COL4A1: variants seen among roughly 807,000 people sequenced by gnomAD.
COL4A1 encodes collagen alpha-1(IV) chain.
COL4A1 carries 40 observed loss-of-function variants against 216.6 expected under a neutral mutation model. That is an observed-to-expected ratio of 0.18 (90% CI 0.14 to 0.24). COL4A1 has a LOEUF of 0.24. COL4A1 is among the 10% of genes least tolerant of loss of function. The pLI, the probability that COL4A1 is intolerant of heterozygous loss-of-function variation, is 1.00. For synonymous variants in COL4A1, 839 were observed against 810.7 expected (o/e 1.03, Z -0.59); for missense variants, 1,628 against 2,196.8 (o/e 0.74, Z 5.18).
At chr13:110,179,216 A>G in intron 30 of COL4A1, 55 bp downstream of exon 30, 1 of 1,610,260 alleles carries the variant, frequency 6.2e-7, no homozygotes, top group Non-Finnish European at 8.5e-7. Flanking sequence ...CTGGGAATGC[A>G]AAAATAAGCA....
At position 110,181,404 on chromosome 13, in the gene COL4A1, CAAA is replaced by C; in HGVS notation, c.2096-18_2096-16del. 4.8e-6 allele frequency: 6 copies of C among 1,240,984 alleles called. No homozygotes were observed. The highest frequency in any genetic ancestry group is 5.6e-6 in the Non-Finnish European group (5 of 892,442). The allele number at this position is 1,240,984 out of a possible 1,614,324, so 76.9% of individuals were successfully genotyped here. On this transcript the variant is annotated splice_polypyrimidine_tract_variant and intron_variant, in intron 28 of 51. Transcript: ENST00000375820. ...GCCGTCAACACCTGTTTTAAAGAGT[CAAA>C]AAAAAAAAACAAACAAACAATCATT...
Position 110,205,402 on chromosome 13 carries a change from A to G in COL4A1, c.908T>C (p.Phe303Ser). Residue 303 changes from phenylalanine to serine, a missense_variant, in exon 17 of 52, where the codon TTT (phenylalanine) becomes TCT (serine). By Grantham distance (155) the Phe-to-Ser change is radical. Around this residue, in one of 8 missense-constraint regions of COL4A1, gnomAD observed 701 missense variants for 892.5 expected, o/e 0.79. Coordinates refer to ENST00000375820, the MANE Select transcript of COL4A1 (RefSeq NM_001845.6). Reference sequence around the variant, plus strand: ...TCCTGGGTACCCGGGTTCACCAGGAAAACCCTGAAACCGAAGAGAGAAGCA... The same window carrying G: ...TCCTGGGTACCCGGGTTCACCAGGAGAACCCTGAAACCGAAGAGAGAAGCA... ...GDKGEKGSPG[F>S]PGEPGYPGLI... The G allele has an allele frequency of 6.2e-7, 1 of 1,614,120 alleles. No homozygotes were observed. Among genetic ancestry groups the G allele is most frequent in the Non-Finnish European group, 8.5e-7 (1 of 1,180,024 alleles).
At chr13:110,289,670 T>A (rs1392159907) in intron 1 of COL4A1, among the ~76,000 whole-genome samples, 1 of 152,226 alleles carries the variant, frequency 6.6e-6, no homozygotes, top group Non-Finnish European at 1.5e-5. Flanking sequence ...TTACGCTATC[T>A]GTATTTTGGG....
At chr13:110,296,753 T>C (rs544009208) in intron 1 of COL4A1, among the ~76,000 whole-genome samples, 3 of 152,338 alleles carry the variant, frequency 2.0e-5, no homozygotes, top group South Asian at 2.1e-4. Flanking sequence ...CAGGAATAAA[T>C]TGTCACCTAT....
rs1879705821 is a variant in COL4A1 at position 110,210,031 on chromosome 13, T to C, written c.564A>G (p.Gly188=). 2.5e-6 allele frequency: 4 copies of C among 1,614,182 alleles called. No homozygotes were observed. The South Asian group carries it at 3.3e-5, about 13-fold the overall frequency. The part of the protein sequence containing the change: ...PGIPGTPGPP[G]LPGLQGPVGP... ...CAACAGGACCTTGAAGCCCTGGCAG[T>C]CCTGGTGGGCCCTAGAATGCATGAG... Residue 188 remains glycine, a synonymous_variant, in exon 10 of 52, where the codon GGA becomes GGG. Transcript: ENST00000375820.
intron 26 of COL4A1, among the ~76,000 whole-genome samples, chr13:110,185,376 C>G (rs915215064): frequency 1.3e-5 from 2 of 151,774 alleles, no homozygotes; most frequent in African/African-American, 4.8e-5. Flanking sequence ...CAATGTCTGA[C>G]CTTGTGATCT....
At chr13:110,230,002 C>T (rs1880944687) in intron 2 of COL4A1, among the ~76,000 whole-genome samples, 1 of 152,164 alleles carries the variant, frequency 6.6e-6, no homozygotes, top group Non-Finnish European at 1.5e-5. Flanking sequence ...TGTCCCCTTC[C>T]ACAGCATCAA....
chr13:110,154,308 G>C (rs1275246687), intron 50 of COL4A1, among the ~76,000 whole-genome samples: 1 of 152,258 alleles, frequency 6.6e-6, no homozygotes, highest in South Asian at 2.1e-4. Context: ...GCTACAATGA[G>C]TGTATCAAAC....
At chr13:110,184,351 G>A (rs1367472201) in intron 26 of COL4A1, among the ~76,000 whole-genome samples, 1 of 152,198 alleles carries the variant, frequency 6.6e-6, no homozygotes, top group Admixed American at 6.5e-5. Flanking sequence ...ATCTGCAGAT[G>A]TCACAAGCAC....
chr13:110,174,023 C>G (rs748548309), intron 39 of COL4A1, 25 bp from the exon 40 acceptor site: 1 of 1,612,732 alleles, frequency 6.2e-7, no homozygotes, highest in Admixed American at 1.7e-5. Context: ...TCACATCAGA[C>G]ACCCGCATAA....
chr13:110,215,686 A>G (rs1055126573), intron 2 of COL4A1, among the ~76,000 whole-genome samples: 6 of 152,210 alleles, frequency 3.9e-5, no homozygotes, highest in African/African-American at 1.2e-4. Context: ...AACCATTGTT[A>G]GCTGATTTAA....
intron 2 of COL4A1, among the ~76,000 whole-genome samples, chr13:110,242,155 G>A (rs562392046): frequency 6.6e-6 from 1 of 152,198 alleles, no homozygotes. Flanking sequence ...TTAAATGAAA[G>A]GGAGGGGAAC....
chr13:110,306,952 C>G lies in COL4A1; in HGVS notation c.76G>C (p.Ala26Pro). Residue 26 changes from alanine to proline, a missense_variant, in exon 1 of 52, where the codon GCT (alanine) becomes CCT (proline). Coordinates refer to ENST00000375820, the MANE Select transcript of COL4A1 (RefSeq NM_001845.6). ...GCTGGCCGGGAACTCACCTTCGCAGCGGCCCGGCTGTGCTCCTCGTGGAGC... is the reference window on the plus strand; with the variant it reads ...GCTGGCCGGGAACTCACCTTCGCAGGGGCCCGGCTGTGCTCCTCGTGGAGC... ...LLLHEEHSRAAAKGGCAGSGC... is the reference protein window; with the variant it reads ...LLLHEEHSRAPAKGGCAGSGC... 1 of 1,472,620 alleles carries G rather than the reference C, an allele frequency of 6.8e-7. No individual in the cohort carries two copies. Among genetic ancestry groups the G allele is most frequent in the Non-Finnish European group, 9.0e-7 (1 of 1,116,756 alleles). 91.2% of individuals were successfully genotyped at this position (1,472,620 alleles called of 1,614,324 possible).
intron 2 of COL4A1, among the ~76,000 whole-genome samples, chr13:110,220,150 C>T (rs935804732): frequency 2.6e-5 from 4 of 151,958 alleles, no homozygotes; most frequent in African/African-American, 9.7e-5. Flanking sequence ...GTTGGCCAGG[C>T]TGGTCTTGAA....
chr13:110,229,255 G>C (rs1880895198), intron 2 of COL4A1, among the ~76,000 whole-genome samples: 1 of 152,166 alleles, frequency 6.6e-6, no homozygotes, highest in African/African-American at 2.4e-5. Context: ...AATAGCTTTT[G>C]CTCTAGAAAG....
Position 110,211,493 on chromosome 13 carries a change from C to A in COL4A1, c.468+154G>T, listed in dbSNP as rs1879792428. On this transcript the variant is annotated intron_variant, in intron 8 of 51. Transcript: ENST00000375820. The surrounding 1 kb of genome is among the most constrained non-coding windows in gnomAD (Gnocchi z 4.3). ...GTCTGAGATCTGAGTTTGTGGGTTA[C>A]TTGTACAGTCTTTTCATGTAACAGA... Among the ~76,000 whole-genome samples, 1 of 152,190 alleles carries A rather than the reference C, an allele frequency of 6.6e-6. No homozygotes were observed. Among genetic ancestry groups the A allele is most frequent in the South Asian group, 2.1e-4 (1 of 4,828 alleles).
chr13:110,248,753 A>G (rs971655434), intron 1 of COL4A1, among the ~76,000 whole-genome samples: 4 of 152,192 alleles, frequency 2.6e-5, no homozygotes, highest in Non-Finnish European at 5.9e-5. Context: ...TCAGCCTCCC[A>G]AAACGCTGGG....
chr13:110,275,814 G>A (rs963927917), intron 1 of COL4A1, among the ~76,000 whole-genome samples: 27 of 152,108 alleles, frequency 1.8e-4, no homozygotes, highest in African/African-American at 4.3e-4. Flanking sequence ...CATACCATAC[G>A]ATTCCAACTA....
rs530840658 is a variant in COL4A1, at chr13:110,243,522, T to C, written c.85-788A>G. Among the ~76,000 whole-genome samples the C allele has an allele frequency of 1.2e-4, 18 of 152,316 alleles. No individual in the cohort carries two copies. In the South Asian group the frequency reaches 1.9e-3, roughly 16 times the overall value. On this transcript the variant is annotated intron_variant, in intron 1 of 51. Transcript: ENST00000375820. ...TTAGTAGAGATGGGGTTTCATCATG[T>C]TGACCAGGCTGGTCTCGAACTCCTG...
Sources: allele counts gnomAD v4.1 joint callset (sites outside exome capture counted in the v4.1 genomes callset), GRCh38; gene constraint gnomAD v4.1.1; regional missense constraint gnomAD v4.1.1; non-coding constraint Gnocchi (gnomAD v3.1); transcripts MANE v1.5; gene names NCBI Gene and HGNC (gene_info 2026-07-23, HGNC 2026-07-21).